Variants in RGS7 observed in about 807,000 individuals in gnomAD.
RGS7 encodes regulator of G-protein signaling 7.
Under a neutral mutation model 81.1 loss-of-function variants are expected in RGS7, and 27 were observed. The observed-to-expected ratio is 0.33, with a 90% CI of 0.25 to 0.46. RGS7 has a LOEUF of 0.46. Among genes scored for constraint, RGS7 ranks in the 20% least tolerant of loss-of-function variants. The probability of loss-of-function intolerance (pLI) is 1.00; values close to 1 mark genes in which losing one functional copy is unlikely to be tolerated. For missense variants in RGS7, 396 were observed against 607.4 expected, an observed-to-expected ratio of 0.65 and a Z score of 3.66; for synonymous variants, 208 against 207.7, an observed-to-expected ratio of 1.00 and a Z score of -0.01.
intron 3 of RGS7, among the ~76,000 whole-genome samples, chr1:241,094,272 C>CACAT (rs1280256546): frequency 6.6e-6 from 1 of 151,792 alleles, no homozygotes; most frequent in Non-Finnish European, 1.5e-5. Context: ...CACACACACA[C>CACAT]ACACAGAGTC....
intron 2 of RGS7, among the ~76,000 whole-genome samples, chr1:241,330,932 T>C (rs2081944216): frequency 6.6e-6 from 1 of 152,198 alleles, no homozygotes; most frequent in Non-Finnish European, 1.5e-5. Context: ...CTAAATCTAT[T>C]TTTAAAAACC....
chr1:241,356,380 T>C (rs965555209), intron 1 of RGS7, among the ~76,000 whole-genome samples: 28 of 152,158 alleles, frequency 1.8e-4, no homozygotes, highest in African/African-American at 6.5e-4. Context: ...CCGGAGTATA[T>C]GCTTCGCCTA....
At chr1:241,110,003 T>C (rs2065400662) in intron 2 of RGS7, among the ~76,000 whole-genome samples, 2 of 152,136 alleles carry the variant, frequency 1.3e-5, no homozygotes, top group Admixed American at 1.3e-4. Flanking sequence ...ACTTTAATAG[T>C]ATTAAAATAT....
intron 10 of RGS7, among the ~76,000 whole-genome samples, chr1:240,821,703 A>G (rs1407140015): frequency 1.3e-5 from 2 of 152,218 alleles, no homozygotes; most frequent in African/African-American, 4.8e-5. Context: ...AGCTAATTAT[A>G]CATTTGCTGT....
chr1:240,840,490 G>A (rs1324909217), intron 9 of RGS7, among the ~76,000 whole-genome samples: 1 of 152,156 alleles, frequency 6.6e-6, no homozygotes, highest in Non-Finnish European at 1.5e-5. Context: ...GGCCAGGCTG[G>A]TCTTGAACTC....
At chr1:241,252,236 G>A (rs1021823153) in intron 2 of RGS7, among the ~76,000 whole-genome samples, 2 of 151,964 alleles carry the variant, frequency 1.3e-5, no homozygotes, top group African/African-American at 4.8e-5. Flanking sequence ...TAGAGATGGG[G>A]TTTCGCCATG....
chr1:240,933,479 T>A (rs899260961), intron 5 of RGS7, among the ~76,000 whole-genome samples: 1 of 152,066 alleles, frequency 6.6e-6, no homozygotes, highest in African/African-American at 2.4e-5. Flanking sequence ...TATGTGGAAA[T>A]GCCACTAAAC....
At chr1:241,092,847 A>T (rs1184368275) in intron 3 of RGS7, among the ~76,000 whole-genome samples, 1 of 133,880 alleles carries the variant, frequency 7.5e-6, no homozygotes, top group Admixed American at 7.0e-5. Flanking sequence ...TTAAAAGAAC[A>T]ACAATAAAAG....
intron 4 of RGS7, among the ~76,000 whole-genome samples, chr1:240,967,970 G>T (rs560681403): frequency 6.6e-6 from 1 of 152,272 alleles, no homozygotes; most frequent in Admixed American, 6.5e-5. Context: ...TCCCTAGGCA[G>T]GGGCTGCTGA....
chr1:240,878,122 G>C (rs575251520), intron 6 of RGS7, among the ~76,000 whole-genome samples: 2 of 151,806 alleles, frequency 1.3e-5, no homozygotes, highest in Non-Finnish European at 2.9e-5. Flanking sequence ...TCTCCTTTCC[G>C]TCTCTGGAGA....
intron 6 of RGS7, among the ~76,000 whole-genome samples, chr1:240,892,457 G>T (rs1326289951): frequency 1.3e-5 from 2 of 152,138 alleles, no homozygotes; most frequent in Non-Finnish European, 2.9e-5. Flanking sequence ...CAACCATAAA[G>T]CTCCTCAGTG....
At chr1:240,796,905 T>A (rs566679150) in intron 18 of RGS7, among the ~76,000 whole-genome samples, 1 of 152,348 alleles carries the variant, frequency 6.6e-6, no homozygotes, top group East Asian at 1.9e-4. Context: ...CTATTGATTC[T>A]TTTAAAGTCT....
chr1:241,083,712 T>C (rs1175468620), intron 3 of RGS7, among the ~76,000 whole-genome samples: 1 of 152,234 alleles, frequency 6.6e-6, no homozygotes, highest in Non-Finnish European at 1.5e-5. Context: ...CTTTCTTTCT[T>C]ATTTATTTGT....
chr1:241,118,379 T>C (rs527395250), intron 2 of RGS7, among the ~76,000 whole-genome samples: 1 of 152,250 alleles, frequency 6.6e-6, no homozygotes, highest in Non-Finnish European at 1.5e-5. Flanking sequence ...TCTAACCTCA[T>C]AGTTTTAAAA....
intron 4 of RGS7, among the ~76,000 whole-genome samples, chr1:240,980,325 T>G (rs141006996): frequency 6.6e-6 from 1 of 152,304 alleles, no homozygotes; most frequent in African/African-American, 2.4e-5. Flanking sequence ...AAATGGGCCA[T>G]CAGAACCTGC....
intron 3 of RGS7, among the ~76,000 whole-genome samples, chr1:241,043,086 A>G (rs1428166229): frequency 6.6e-6 from 1 of 152,152 alleles, no homozygotes; most frequent in East Asian, 1.9e-4. Flanking sequence ...TGTTTGCTCA[A>G]ATGACTTTAA....
intron 3 of RGS7, among the ~76,000 whole-genome samples, chr1:241,078,615 T>C (rs1384693836): frequency 6.6e-6 from 1 of 152,050 alleles, no homozygotes; most frequent in African/African-American, 2.4e-5. Flanking sequence ...TTGTTCCATA[T>C]ATATTAGATT....
At chr1:241,351,187 G>A (rs148939684) in intron 2 of RGS7, among the ~76,000 whole-genome samples, 2,216 of 152,106 alleles carry the variant, frequency 0.015, 27 homozygotes, top group African/African-American at 0.021. Flanking sequence ...GGGAGGCTGA[G>A]GCGGAAGGAT....
intron 6 of RGS7, among the ~76,000 whole-genome samples, chr1:240,886,910 C>T (rs1460459866): frequency 2.0e-5 from 3 of 152,148 alleles, no homozygotes; most frequent in Non-Finnish European, 4.4e-5. Context: ...GGAACAATGG[C>T]CCATGAGTTT....
Sources: gnomAD v4.1 joint callset for allele counts (sites outside exome capture counted in the v4.1 genomes callset) on GRCh38, gnomAD v4.1.1 for gene constraint, MANE v1.5 for transcripts, NCBI Gene and HGNC (gene_info 2026-07-23, HGNC 2026-07-21) for gene names.